The following PRMT8 variants were observed in gnomAD, a reference collection of about 807,000 sequenced individuals.
PRMT8 encodes the protein protein arginine N-methyltransferase 8.
Under a neutral mutation model 47.1 loss-of-function variants are expected in PRMT8, and 7 were observed. The ratio of observed to expected loss-of-function variants is 0.15; its 90% CI spans 0.08 to 0.28. The LOEUF is 0.28. PRMT8 is among the 10% of genes least tolerant of loss of function. The probability of loss-of-function intolerance (pLI) is 1.00; values close to 1 mark genes in which losing one functional copy is unlikely to be tolerated. For synonymous variants in PRMT8, 188 were observed against 186.5 expected, an observed-to-expected ratio of 1.01 and a Z score of -0.07; for missense variants, 237 against 505.4, an observed-to-expected ratio of 0.47 and a Z score of 5.09.
intron 4 of PRMT8, among the ~76,000 whole-genome samples, chr12:3,559,765 C>T (rs566878483): frequency 2.0e-5 from 3 of 152,330 alleles, no homozygotes; most frequent in South Asian, 4.2e-4. Context: ...TGCTGGGCAG[C>T]GTCCCACATG....
At chr12:3,444,866 G>C (rs1432846076) in intron 1 of PRMT8, among the ~76,000 whole-genome samples, 3 of 152,214 alleles carry the variant, frequency 2.0e-5, no homozygotes, top group Non-Finnish European at 4.4e-5. Flanking sequence ...GTGCCTGGCA[G>C]CAAACCCCAC....
At chr12:3,540,961 C>A (rs1024422256) in intron 2 of PRMT8, among the ~76,000 whole-genome samples, 170 bp downstream of exon 2, 3 of 152,162 alleles carry the variant, frequency 2.0e-5, no homozygotes, top group Non-Finnish European at 4.4e-5. Flanking sequence ...TGGGAGGGGG[C>A]CAGGCCAGGC....
At chr12:3,518,207 C>T (rs1015216844) in intron 1 of PRMT8, among the ~76,000 whole-genome samples, 1 of 152,070 alleles carries the variant, frequency 6.6e-6, no homozygotes, top group East Asian at 1.9e-4. Context: ...AGAAGCTAAA[C>T]CCAATGCTCC....
At chr12:3,442,523 C>T (rs1033118882) in intron 1 of PRMT8, among the ~76,000 whole-genome samples, 1 of 152,134 alleles carries the variant, frequency 6.6e-6, no homozygotes. Context: ...GCCTGTTCTC[C>T]TGGGATGGGA....
chr12:3,491,862 G>A (rs1865412252), intron 1 of PRMT8, among the ~76,000 whole-genome samples, 162 bp downstream of exon 1: 1 of 114,572 alleles, frequency 8.7e-6, no homozygotes, highest in Non-Finnish European at 1.9e-5. Flanking sequence ...GTGTGTGTGT[G>A]TGTGTGTGTG....
At chr12:3,415,530 T>C (rs1864475105) in intron 1 of PRMT8, among the ~76,000 whole-genome samples, 2 of 152,170 alleles carry the variant, frequency 1.3e-5, no homozygotes, top group Admixed American at 1.3e-4. Flanking sequence ...ATCATTAGCA[T>C]ACAAAAATAC....
chr12:3,582,947 T>C, intron 7 of PRMT8, 111 bp from the exon 8 acceptor site: 1 of 1,280,044 alleles, frequency 7.8e-7, no homozygotes. Context: ...AATAAAGATA[T>C]CCCTCAGAGA....
At chr12:3,589,166 C>T (rs1054047599) in intron 8 of PRMT8, among the ~76,000 whole-genome samples, 25 of 152,156 alleles carry the variant, frequency 1.6e-4, no homozygotes, top group African/African-American at 5.3e-4. Flanking sequence ...GGCCATGTAA[C>T]GCATCTTTCC....
chr12:3,471,054 G>A (rs1162530027), intron 1 of PRMT8, among the ~76,000 whole-genome samples: 1 of 152,170 alleles, frequency 6.6e-6, no homozygotes, highest in East Asian at 1.9e-4. Context: ...CTGGAACCAA[G>A]TGACGCAGCG....
intron 4 of PRMT8, among the ~76,000 whole-genome samples, chr12:3,555,372 A>G (rs759940582): frequency 5.3e-5 from 8 of 152,172 alleles, no homozygotes; most frequent in Non-Finnish European, 1.0e-4. Flanking sequence ...GACAAAGGTG[A>G]GGGGAAGAGC....
intron 1 of PRMT8, chr12:3,462,583 G>A (rs1280070241): frequency 4.6e-5 from 7 of 151,950 alleles, no homozygotes; most frequent in African/African-American, 1.7e-4. Context: ...TCATTTTACT[G>A]TCTCTCCAGG....
At chr12:3,528,503 C>T (rs569432772) in intron 1 of PRMT8, among the ~76,000 whole-genome samples, 4 of 152,158 alleles carry the variant, frequency 2.6e-5, no homozygotes, top group Admixed American at 6.5e-5. Context: ...CAATTTCGGT[C>T]GTTTAAATAT....
At chr12:3,457,503 C>T (rs555777098) in intron 1 of PRMT8, among the ~76,000 whole-genome samples, 7 of 151,936 alleles carry the variant, frequency 4.6e-5, no homozygotes, top group African/African-American at 1.7e-4. Context: ...GAGACGGGGT[C>T]TCCCTCTGTT....
intron 1 of PRMT8, among the ~76,000 whole-genome samples, chr12:3,536,856 T>G (rs897616617): frequency 1.3e-5 from 2 of 152,240 alleles, no homozygotes; most frequent in Non-Finnish European, 1.5e-5. Context: ...ATAATACCTT[T>G]AATGGCCGCA....
At chr12:3,544,105 G>A (rs1866283313) in intron 2 of PRMT8, among the ~76,000 whole-genome samples, 1 of 152,224 alleles carries the variant, frequency 6.6e-6, no homozygotes, top group East Asian at 1.9e-4. Context: ...TCAATGGGCA[G>A]TCATATATTT....
chr12:3,592,568 A>G (rs1044782030), intron 9 of PRMT8, among the ~76,000 whole-genome samples: 2 of 152,116 alleles, frequency 1.3e-5, no homozygotes, highest in African/African-American at 4.8e-5. Context: ...CCTGGGTCCA[A>G]TTCTGGACTG....
intron 2 of PRMT8, among the ~76,000 whole-genome samples, chr12:3,542,796 G>A (rs1866254468): frequency 6.6e-6 from 1 of 152,172 alleles, no homozygotes; most frequent in South Asian, 2.1e-4. Flanking sequence ...TGCTCCACTA[G>A]GCTATTACCG....
At position 3,456,029 on chromosome 12, in the gene PRMT8, C is replaced by A. The variant is rs1413384449; in HGVS notation, c.48+74587C>A. 6.6e-6 allele frequency among the ~76,000 whole-genome samples: 1 copy of A among 152,222 alleles called. No individual in the cohort carries two copies. Among genetic ancestry groups the A allele is most frequent in the African/African-American group, 2.4e-5 (1 of 41,456 alleles). ...AACTTCTCTGAGCCTGCGTTCTCAT[C>A]TGTAAAATGAGGATAGTAAGTCACA... On this transcript the variant is annotated intron_variant, in intron 1 of 9. Coordinates refer to the PRMT8 transcript ENST00000452611. The surrounding 1 kb of genome is among the most constrained non-coding windows in gnomAD (Gnocchi z 4.2).
intron 2 of PRMT8, among the ~76,000 whole-genome samples, chr12:3,544,998 C>T (rs1462279932): frequency 3.3e-5 from 5 of 152,158 alleles, no homozygotes; most frequent in African/African-American, 4.8e-5. Flanking sequence ...CAGCCTTTGT[C>T]GTTATTTTGC....
Sources: gnomAD v4.1 joint callset for allele counts (sites outside exome capture counted in the v4.1 genomes callset) on GRCh38, gnomAD v4.1.1 for gene constraint, Gnocchi (gnomAD v3.1) non-coding constraint, MANE v1.5 for transcripts, NCBI Gene and HGNC (gene_info 2026-07-23, HGNC 2026-07-21) for gene names.